APC: variants seen among roughly 807,000 people sequenced by gnomAD.
The protein encoded by APC is APC regulator of Wnt signaling pathway, also known as adenomatous polyposis coli protein.
A neutral mutation model predicts 247.0 loss-of-function variants in APC; 72 were observed. The ratio of observed to expected loss-of-function variants is 0.29; its 90% CI spans 0.24 to 0.35. APC has a LOEUF of 0.35. Ranked by LOEUF, APC falls within the 10% of genes least tolerant of loss-of-function variation. APC has a pLI of 1.00. For missense variants in APC, 3,400 were observed against 3,360.7 expected (o/e 1.01, Z -0.29); for synonymous variants, 1,254 against 1,162.5 (o/e 1.08, Z -1.60).
chr5:112,833,639 C>A (rs1764550507), intron 14 of APC, among the ~76,000 whole-genome samples: 1 of 151,950 alleles, frequency 6.6e-6, no homozygotes, highest in Admixed American at 6.6e-5. Context: ...CAAGTTTTGA[C>A]CAAATACCTT....
At chr5:112,801,749 C>T (rs568316885) in intron 8 of APC, among the ~76,000 whole-genome samples, 13 of 151,850 alleles carry the variant, frequency 8.6e-5, no homozygotes, top group Non-Finnish European at 8.8e-5. Flanking sequence ...AATGTAAAGA[C>T]ATTTTTATGG....
At chr5:112,821,147 G>C (rs975701952) in intron 10 of APC, among the ~76,000 whole-genome samples, 21 of 151,610 alleles carry the variant, frequency 1.4e-4, no homozygotes, top group Non-Finnish European at 2.1e-4. Flanking sequence ...GGGATTACTG[G>C]TGTGAGCCAC....
chr5:112,708,820 A>G (rs890125684), intron 1 of APC, among the ~76,000 whole-genome samples: 5 of 152,200 alleles, frequency 3.3e-5, no homozygotes, highest in African/African-American at 9.6e-5. Context: ...GATATTTTCT[A>G]TATGATTTAG....
At chr5:112,724,037 G>C (rs1188932264) in intron 1 of APC, among the ~76,000 whole-genome samples, 1 of 152,010 alleles carries the variant, frequency 6.6e-6, no homozygotes, top group Non-Finnish European at 1.5e-5. Context: ...ATCTTTTAAC[G>C]GCTCCCTTTC....
At position 112,801,267 on chromosome 5, in the gene APC, C is replaced by CCATCTTAACAGAGGT; in HGVS notation, c.730-6_738dup. On this transcript the variant is annotated splice_polypyrimidine_tract_variant and intron_variant, in intron 7 of 15. Coordinates refer to ENST00000257430, the MANE Select transcript of APC (RefSeq NM_000038.6). Reference sequence around the variant, plus strand: ...ATTTTTGCATGTACTGATGTTAACTCCATCTTAACAGAGGTCATCTCAGAA... The same window carrying CCATCTTAACAGAGGT: ...ATTTTTGCATGTACTGATGTTAACTCCATCTTAACAGAGGTCATCTTAACAGAGGTCATCTCAGAA... The CCATCTTAACAGAGGT allele has an allele frequency of 6.2e-7, 1 of 1,608,988 alleles. No homozygotes were observed.
At chr5:112,722,305 C>T (rs1751525215) in intron 1 of APC, among the ~76,000 whole-genome samples, 1 of 152,130 alleles carries the variant, frequency 6.6e-6, no homozygotes, top group East Asian at 1.9e-4. Flanking sequence ...AAACTCTAAA[C>T]CCTTGTTTTT....
At chr5:112,816,983 C>A (rs943611303) in intron 9 of APC, among the ~76,000 whole-genome samples, 11 of 151,744 alleles carry the variant, frequency 7.2e-5, no homozygotes, top group Non-Finnish European at 1.6e-4. Flanking sequence ...ATTCTCCTGC[C>A]TCAGCCTCCC....
At chr5:112,757,660 G>T (rs959436405) in intron 2 of APC, among the ~76,000 whole-genome samples, 3 of 152,122 alleles carry the variant, frequency 2.0e-5, no homozygotes, top group East Asian at 1.9e-4. Flanking sequence ...TCCAGCCTGG[G>T]CAAAAGAGCC....
intron 7 of APC, among the ~76,000 whole-genome samples, chr5:112,798,156 G>A (rs1167920876): frequency 1.3e-5 from 2 of 152,164 alleles, no homozygotes; most frequent in South Asian, 2.1e-4. Context: ...TTTCATAATA[G>A]CCTCAAAGGA....
At chr5:112,710,271 G>T (rs1331822367) in intron 1 of APC, among the ~76,000 whole-genome samples, 1 of 152,144 alleles carries the variant, frequency 6.6e-6, no homozygotes, top group Admixed American at 6.5e-5. Flanking sequence ...CTCTAGTGTT[G>T]TGTTCCTTTT....
chr5:112,749,968 G>GTT (rs34082853), intron 1 of APC, among the ~76,000 whole-genome samples: 66 of 79,602 alleles, frequency 8.3e-4, no homozygotes, highest in Admixed American at 2.5e-3. Context: ...TTTTTTTTTT[G>GTT]TTTTTTTTTT....
At position 112,839,344 on chromosome 5, in the gene APC, A is replaced by G. The variant is rs142728143; in HGVS notation, c.3750A>G (p.Lys1250=). The change falls in exon 16 of 16, where the codon AAA becomes AAG. Residue 1250 remains lysine (K), a synonymous_variant. Coordinates refer to ENST00000257430, the MANE Select transcript of APC (RefSeq NM_000038.6). This position sits in a 1 kb window ranked among gnomAD's most constrained non-coding sequence, Gnocchi z 5.0. The part of the protein sequence containing the change: ...SGQPQKAATC[K]VSSINQETIQ... ...AGCCTCAAAAGGCTGCCACTTGCAA[A>G]GTTTCTTCTATTAACCAAGAAACAA... The G allele has an allele frequency of 3.7e-6, 6 of 1,613,090 alleles. No individual in the cohort carries two copies. The highest frequency in any genetic ancestry group is 5.1e-6 in the Non-Finnish European group (6 of 1,179,522).
Position 112,801,281 on chromosome 5 carries a change from G to A in APC, c.732G>A (p.Arg244=), listed in dbSNP as rs568914667. 1.2e-5 allele frequency: 20 copies of A among 1,612,122 alleles called. No individual in the cohort carries two copies. Among genetic ancestry groups the A allele is most frequent in the South Asian group, 1.1e-4 (10 of 90,940 alleles). ...TGATGTTAACTCCATCTTAACAGAGGTCATCTCAGAACAAGCATGAAACCG... is the reference window on the plus strand; with the variant it reads ...TGATGTTAACTCCATCTTAACAGAGATCATCTCAGAACAAGCATGAAACCG... ...LLQSQATEAE[R]SSQNKHETGS... is the part of the protein sequence containing the mutation. Residue 244 remains arginine, a splice_region_variant and synonymous_variant, in exon 8 of 16, where the codon AGG becomes AGA. Transcript: ENST00000257430.
At chr5:112,833,026 TG>T (rs1462272729) in intron 14 of APC, among the ~76,000 whole-genome samples, 1 of 101,138 alleles carries the variant, frequency 9.9e-6, no homozygotes, top group Non-Finnish European at 2.1e-5. Context: ...GTTTTGGGTT[TG>T]GGTTTTTTTT....
At chr5:112,796,104 A>T (rs1760187936) in intron 7 of APC, among the ~76,000 whole-genome samples, 1 of 152,216 alleles carries the variant, frequency 6.6e-6, no homozygotes, top group Non-Finnish European at 1.5e-5. Context: ...ACAAAAAATA[A>T]AGATAACCTT....
At chr5:112,792,627 G>A in intron 7 of APC, 98 bp downstream of exon 7, 1 of 856,084 alleles carries the variant, frequency 1.2e-6, no homozygotes. Context: ...TTGAAATATA[G>A]ATGTTCTTTC....
intron 1 of APC, among the ~76,000 whole-genome samples, chr5:112,728,678 A>T (rs1328775444): frequency 6.6e-6 from 1 of 151,946 alleles, no homozygotes; most frequent in Non-Finnish European, 1.5e-5. Flanking sequence ...GAATTTATAA[A>T]CTTTTTTATA....
intron 1 of APC, among the ~76,000 whole-genome samples, chr5:112,715,092 A>G (rs1751081494): frequency 6.6e-6 from 1 of 152,228 alleles, no homozygotes; most frequent in Admixed American, 6.5e-5. Context: ...TAAAGCATGT[A>G]TATGATGCTC....
At position 112,722,683 on chromosome 5, in the gene APC, C is replaced by T. The variant is rs1052782475; in HGVS notation, c.165+14801C>T. Among the ~76,000 whole-genome samples, 3 of 152,092 alleles carry T rather than the reference C, an allele frequency of 2.0e-5. No homozygotes were observed. The South Asian group carries it at 6.2e-4, about 32-fold the overall frequency. On this transcript the variant is annotated intron_variant, in intron 1 of 13. Transcript: ENST00000507379. ...GCACCTCACAGAACTCAGGGAAACA[C>T]TTGCTTATATTTACTGGTTTACTAT...
Sources: allele counts gnomAD v4.1 joint callset (sites outside exome capture counted in the v4.1 genomes callset), GRCh38; gene constraint gnomAD v4.1.1; non-coding constraint Gnocchi (gnomAD v3.1); transcripts MANE v1.5; gene names NCBI Gene and HGNC (gene_info 2026-07-23, HGNC 2026-07-21).